The following CREB5 variants were observed in gnomAD, a reference collection of about 807,000 sequenced individuals.
The protein encoded by CREB5 is cyclic AMP-responsive element-binding protein 5.
In CREB5, 19 loss-of-function variants were observed where a neutral mutation model predicts 57.1. That is an observed-to-expected ratio of 0.33 (90% CI 0.23 to 0.49). The LOEUF (loss-of-function observed/expected upper bound fraction) is 0.49, where lower values mean the gene tolerates loss of function less well. Ranked by LOEUF, CREB5 falls within the 20% of genes least tolerant of loss-of-function variation. The probability of loss-of-function intolerance (pLI) is 0.99; values close to 1 mark genes in which losing one functional copy is unlikely to be tolerated. For synonymous variants in CREB5, 238 were observed against 238.3 expected (o/e 1.00, Z 0.01); for missense variants, 579 against 671.6 (o/e 0.86, Z 1.52).
chr7:28,578,206 C>G (rs1393195362), intron 5 of CREB5, among the ~76,000 whole-genome samples: 1 of 152,160 alleles, frequency 6.6e-6, no homozygotes, highest in East Asian at 1.9e-4. Flanking sequence ...TATGTAGTCT[C>G]CCATAACGCA....
chr7:28,568,076 A>T (rs2391678), intron 4 of CREB5, among the ~76,000 whole-genome samples: 35,529 of 152,020 alleles, frequency 0.23, 4,390 homozygotes, highest in Non-Finnish European at 0.26. Context: ...AGGATAGAAG[A>T]TGATGGCAGT....
chr7:28,429,397 C>A (rs988985418), intron 1 of CREB5, among the ~76,000 whole-genome samples: 3 of 152,196 alleles, frequency 2.0e-5, no homozygotes, highest in African/African-American at 7.2e-5. Context: ...ATATTTTGTT[C>A]ATCACCATTT....
chr7:28,504,506 C>T (rs1386840665), intron 3 of CREB5, among the ~76,000 whole-genome samples: 1 of 152,182 alleles, frequency 6.6e-6, no homozygotes, highest in East Asian at 1.9e-4. Context: ...ACGATTGTTT[C>T]AGGCCTTCCA....
At chr7:28,709,073 G>A (rs779066990) in intron 5 of CREB5, among the ~76,000 whole-genome samples, 1 of 152,166 alleles carries the variant, frequency 6.6e-6, no homozygotes, top group Non-Finnish European at 1.5e-5. Flanking sequence ...CAGATGTACA[G>A]CACTTATTTG....
At chr7:28,450,894 G>T (rs1033368124) in intron 1 of CREB5, among the ~76,000 whole-genome samples, 1 of 152,198 alleles carries the variant, frequency 6.6e-6, no homozygotes, top group Non-Finnish European at 1.5e-5. Flanking sequence ...CCTGGAGGCA[G>T]AGGAAGCCCT....
At chr7:28,640,393 C>T (rs1486261999) in intron 5 of CREB5, among the ~76,000 whole-genome samples, 1 of 152,178 alleles carries the variant, frequency 6.6e-6, no homozygotes, top group Non-Finnish European at 1.5e-5. Context: ...GCTTACCAAA[C>T]ATCTTTCAAA....
At chr7:28,600,058 T>C (rs1296777082) in intron 5 of CREB5, among the ~76,000 whole-genome samples, 1 of 152,030 alleles carries the variant, frequency 6.6e-6, no homozygotes, top group Non-Finnish European at 1.5e-5. Context: ...ACAGCAGCAC[T>C]TAGATTGTGG....
At chr7:28,801,736 A>G (rs1164454265) in intron 7 of CREB5, among the ~76,000 whole-genome samples, 3 of 152,208 alleles carry the variant, frequency 2.0e-5, no homozygotes, top group East Asian at 1.9e-4. Flanking sequence ...TTTTATAAAA[A>G]CAATGAAATC....
intron 7 of CREB5, among the ~76,000 whole-genome samples, chr7:28,731,386 C>A (rs1378585942): frequency 2.0e-5 from 3 of 152,146 alleles, no homozygotes; most frequent in African/African-American, 7.2e-5. Flanking sequence ...ATGACCTGAT[C>A]AGAACTCCAA....
chr7:28,536,242 T>C (rs1338650475), intron 4 of CREB5, among the ~76,000 whole-genome samples: 3 of 152,204 alleles, frequency 2.0e-5, no homozygotes, highest in African/African-American at 7.2e-5. Context: ...TAGAATAGTC[T>C]CAAAAGAACA....
At chr7:28,555,869 A>G (rs75031665) in intron 4 of CREB5, among the ~76,000 whole-genome samples, 3,792 of 152,262 alleles carry the variant, frequency 0.025, 132 homozygotes, top group African/African-American at 0.083. Flanking sequence ...TTCTTAGTCT[A>G]TCAAAGAATC....
At chr7:28,511,052 T>TA (rs1198960442) in intron 4 of CREB5, among the ~76,000 whole-genome samples, 1 of 151,196 alleles carries the variant, frequency 6.6e-6, no homozygotes, top group African/African-American at 2.4e-5. Context: ...ATAAAGATGA[T>TA]AAAAAACAAA....
At chr7:28,754,304 C>A (rs748995009) in intron 7 of CREB5, among the ~76,000 whole-genome samples, 4 of 152,276 alleles carry the variant, frequency 2.6e-5, no homozygotes, top group Non-Finnish European at 4.4e-5. Context: ...GCCCCACTTG[C>A]CTGTGTGTAG....
At position 28,821,812 on chromosome 7, in the gene CREB5, TTA is replaced by T. The variant is rs1206132974; in HGVS notation, c.*2535_*2536del. ...AGTTGGGTTTTTTAATTTTTAATTT[TTA>T]TGTTATGTTTTGCTTTGTTTTAAGT... On this transcript the variant is annotated 3_prime_UTR_variant, in exon 11 of 11. Transcript: ENST00000357727. 1 of 152,750 alleles carries T rather than the reference TTA, an allele frequency of 6.5e-6. No individual in the cohort carries two copies. Among genetic ancestry groups the T allele is most frequent in the African/African-American group, 2.4e-5 (1 of 41,578 alleles). 9.5% of individuals were successfully genotyped at this position (152,750 alleles called of 1,614,324 possible).
chr7:28,306,019 G>C (rs1039478080), intron 1 of CREB5, among the ~76,000 whole-genome samples: 1 of 152,038 alleles, frequency 6.6e-6, no homozygotes, highest in Admixed American at 6.6e-5. Context: ...GCTATTGATA[G>C]CAATGTAGGT....
At chr7:28,492,636 G>A (rs909478284) in intron 2 of CREB5, among the ~76,000 whole-genome samples, 2 of 151,162 alleles carry the variant, frequency 1.3e-5, no homozygotes, top group Admixed American at 6.6e-5. Context: ...CCTACTTTAG[G>A]CTATTATTTT....
rs1230348878 is a variant in CREB5, at chr7:28,550,172, CCTT to C, written c.292-20190_292-20188del. On this transcript the variant is annotated intron_variant, in intron 4 of 10. Transcript: ENST00000357727. Reference sequence around the variant, plus strand: ...CTCCTCCTCTTCTCTTCTTTCTTCTCCTTCTCCTCTCCCTCCTGCTGTTCTTTT... The same window carrying C: ...CTCCTCCTCTTCTCTTCTTTCTTCTCCTCCTCTCCCTCCTGCTGTTCTTTT... Among the ~76,000 whole-genome samples, 12 of 152,128 alleles carry C rather than the reference CCTT, an allele frequency of 7.9e-5. No individual in the cohort carries two copies. The East Asian group carries it at 9.7e-4, about 12-fold the overall frequency.
chr7:28,715,196 A>G (rs1042205725), intron 5 of CREB5, among the ~76,000 whole-genome samples: 1 of 152,064 alleles, frequency 6.6e-6, no homozygotes, highest in Non-Finnish European at 1.5e-5. Flanking sequence ...TTTTTAACAT[A>G]AAAAATCAAT....
chr7:28,569,790 G>A (rs944284203), intron 4 of CREB5, among the ~76,000 whole-genome samples: 57 of 152,256 alleles, frequency 3.7e-4, no homozygotes, highest in African/African-American at 1.3e-3. Flanking sequence ...TATTCTGATC[G>A]TTGGATCCCA....
Sources: allele counts gnomAD v4.1 joint callset (sites outside exome capture counted in the v4.1 genomes callset), GRCh38; gene constraint gnomAD v4.1.1; transcripts MANE v1.5; gene names NCBI Gene and HGNC (gene_info 2026-07-23, HGNC 2026-07-21).